The following SUPT3H variants were observed in gnomAD, a reference collection of about 807,000 sequenced individuals.
SUPT3H encodes transcription initiation protein SPT3 homolog.
In SUPT3H, 44 loss-of-function variants were observed where a neutral mutation model predicts 44.3. The observed-to-expected ratio is 0.99, with a 90% CI of 0.78 to 1.28. SUPT3H has a LOEUF of 1.28. Ranked by LOEUF, SUPT3H falls within the 50% of genes most tolerant of loss-of-function variation. The probability of loss-of-function intolerance (pLI) is 0.00; values close to 1 mark genes in which losing one functional copy is unlikely to be tolerated. For missense variants in SUPT3H, 380 were observed against 387.1 expected (o/e 0.98, Z 0.15); for synonymous variants, 124 against 125.6 (o/e 0.99, Z 0.09).
chr6:45,285,941 A>G (rs1440715628), intron 2 of SUPT3H, among the ~76,000 whole-genome samples: 13 of 149,660 alleles, frequency 8.7e-5, no homozygotes, highest in Non-Finnish European at 1.2e-4. Flanking sequence ...AAATAATGCC[A>G]CGTATCTACA....
At chr6:44,868,798 C>G (rs1169413968) in intron 10 of SUPT3H, among the ~76,000 whole-genome samples, 6 of 152,184 alleles carry the variant, frequency 3.9e-5, no homozygotes. Flanking sequence ...GATTCCTTGT[C>G]AACTCATCTT....
At position 44,958,944 on chromosome 6, in the gene SUPT3H, C is replaced by T. The variant is rs1014740795; in HGVS notation, c.580+2809G>A. ...GGCTGATAGTGCAATGGCGCGATCT[C>T]GGCTCACTGCAACCTCCACCTCCCG... is the stretch of plus-strand genomic sequence containing the variant. On this transcript the variant is annotated intron_variant, in intron 7 of 10. Coordinates refer to ENST00000371459, the MANE Select transcript of SUPT3H (RefSeq NM_003599.4). 4.6e-4 allele frequency among the ~76,000 whole-genome samples: 64 copies of T among 137,636 alleles called. No individual in the cohort carries two copies. The East Asian group carries it at 6.7e-3, about 14-fold the overall frequency. 90.3% of individuals were successfully genotyped at this position (137,636 alleles called of 152,430 possible). A position where few individuals can be genotyped will look rare whatever the true frequency, so the allele number is the denominator to read the frequency against.
intron 2 of SUPT3H, among the ~76,000 whole-genome samples, chr6:45,304,056 G>GT (rs1782606193): frequency 6.6e-6 from 1 of 151,768 alleles, no homozygotes; most frequent in Non-Finnish European, 1.5e-5. Flanking sequence ...ATATACTGTA[G>GT]AAAGCTAAAT....
chr6:45,289,525 A>C (rs1384745390), intron 2 of SUPT3H, among the ~76,000 whole-genome samples: 4 of 152,206 alleles, frequency 2.6e-5, no homozygotes, highest in Non-Finnish European at 5.9e-5. Context: ...TAATAACATG[A>C]AAAGTTTTTG....
chr6:45,035,603 T>C (rs1489297729), intron 3 of SUPT3H, among the ~76,000 whole-genome samples: 1 of 152,202 alleles, frequency 6.6e-6, no homozygotes, highest in African/African-American at 2.4e-5. Flanking sequence ...TTATATCATG[T>C]ATTTTAAAAA....
intron 2 of SUPT3H, among the ~76,000 whole-genome samples, chr6:45,106,297 T>C (rs191343834): frequency 1.8e-4 from 27 of 152,198 alleles, no homozygotes; most frequent in Non-Finnish European, 3.8e-4. Flanking sequence ...CCGGAAGCAG[T>C]GGCATGTGCC....
chr6:45,315,970 T>TAGATAGAG (rs1562940822), intron 2 of SUPT3H, among the ~76,000 whole-genome samples: 1 of 148,774 alleles, frequency 6.7e-6, no homozygotes, highest in African/African-American at 2.5e-5. Context: ...GATAGATAGA[T>TAGATAGAG]AGATGATGGA....
chr6:45,294,733 CAAAAAAAAAAAAAAAAAAAA>C (rs56281990), intron 2 of SUPT3H, among the ~76,000 whole-genome samples: 2,430 of 36,384 alleles, frequency 0.067, 103 homozygotes, highest in South Asian at 0.27. Context: ...ACAATAGCTG[CAAAAAAAAAAAAAAAAAAAA>C]AAAAAAAAAA....
At chr6:45,191,300 T>A (rs181713426) in intron 2 of SUPT3H, among the ~76,000 whole-genome samples, 1 of 152,020 alleles carries the variant, frequency 6.6e-6, no homozygotes, top group Non-Finnish European at 1.5e-5. Context: ...TGCCAAGTAA[T>A]AGAAGTCAAT....
At chr6:44,912,495 T>C (rs1022463625) in intron 10 of SUPT3H, among the ~76,000 whole-genome samples, 1 of 152,204 alleles carries the variant, frequency 6.6e-6, no homozygotes, top group African/African-American at 2.4e-5. Context: ...TTGCCTCTTA[T>C]TCAGGGCACA....
chr6:45,090,384 T>C (rs1464117266), intron 3 of SUPT3H, among the ~76,000 whole-genome samples: 14 of 152,080 alleles, frequency 9.2e-5, no homozygotes, highest in Admixed American at 9.2e-4. Context: ...TAAAAAACTT[T>C]CAGTTCCTGA....
chr6:45,014,692 G>C (rs1783981697), intron 5 of SUPT3H, 109 bp downstream of exon 5: 1 of 629,520 alleles, frequency 1.6e-6, no homozygotes. Flanking sequence ...TTTGTTGACA[G>C]TAAACAAAAT....
At chr6:45,088,002 T>C (rs953357795) in intron 3 of SUPT3H, among the ~76,000 whole-genome samples, 1 of 152,066 alleles carries the variant, frequency 6.6e-6, no homozygotes, top group Non-Finnish European at 1.5e-5. Flanking sequence ...CTTATTTCAA[T>C]GATAGTTAAG....
chr6:44,897,758 C>T (rs1019148055), intron 10 of SUPT3H, among the ~76,000 whole-genome samples: 3 of 152,160 alleles, frequency 2.0e-5, no homozygotes, highest in Non-Finnish European at 1.5e-5. Flanking sequence ...CTGGAGGGAG[C>T]TCAAGTTCAG....
At chr6:45,106,836 T>C (rs1205022382) in intron 2 of SUPT3H, among the ~76,000 whole-genome samples, 1 of 152,192 alleles carries the variant, frequency 6.6e-6, no homozygotes, top group Non-Finnish European at 1.5e-5. Context: ...ACGCCCGCCT[T>C]GTACAGTATT....
chr6:44,898,069 A>AGGGACTAAGAATTTGCATT (rs530312024), intron 10 of SUPT3H, among the ~76,000 whole-genome samples: 1 of 152,254 alleles, frequency 6.6e-6, no homozygotes, highest in Non-Finnish European at 1.5e-5. Flanking sequence ...TTAAGAAATA[A>AGGGACTAAGAATTTGCATT]GGGACTAAGA....
chr6:45,287,657 AG>A (rs1319862684), intron 2 of SUPT3H, among the ~76,000 whole-genome samples: 2 of 152,190 alleles, frequency 1.3e-5, no homozygotes, highest in Non-Finnish European at 2.9e-5. Context: ...ATTTCAGTTT[AG>A]GAAGATGAAA....
intron 11 of SUPT3H, among the ~76,000 whole-genome samples, chr6:44,821,589 T>C (rs1169307073): frequency 6.6e-6 from 1 of 152,158 alleles, no homozygotes. Flanking sequence ...CCTATCCATA[T>C]GAAAACAATA....
intron 3 of SUPT3H, chr6:45,097,484 G>C (rs1339433913): frequency 7.9e-5 from 12 of 152,220 alleles, no homozygotes; most frequent in Non-Finnish European, 1.8e-4. Context: ...GCTTAAGATG[G>C]GCCAGCACAA....
Sources: allele counts gnomAD v4.1 joint callset (sites outside exome capture counted in the v4.1 genomes callset), GRCh38; gene constraint gnomAD v4.1.1; transcripts MANE v1.5; gene names NCBI Gene and HGNC (gene_info 2026-07-23, HGNC 2026-07-21).